RASSF4: variants seen among roughly 807,000 people sequenced by gnomAD.
RASSF4 encodes the protein ras association domain-containing protein 4.
A neutral mutation model predicts 41.1 loss-of-function variants in RASSF4; 38 were observed. The ratio of observed to expected loss-of-function variants is 0.92; its 90% CI spans 0.71 to 1.21. The LOEUF (loss-of-function observed/expected upper bound fraction) is 1.21, where lower values mean the gene tolerates loss of function less well. RASSF4 is among the 50% of genes most tolerant of loss of function. The pLI, the probability that RASSF4 is intolerant of heterozygous loss-of-function variation, is 0.00. For synonymous variants in RASSF4, 179 were observed against 163.4 expected (o/e 1.10, Z -0.73); for missense variants, 414 against 419.4 (o/e 0.99, Z 0.11).
chr10:44,980,797 C>G (rs377081645), intron 3 of RASSF4: 1 of 152,338 alleles, frequency 6.6e-6, no homozygotes, highest in Non-Finnish European at 1.5e-5. Context: ...CCCACAAGCT[C>G]TCTCCACTGA....
In RASSF4 at chr10:44,989,330, C is replaced by G; in HGVS notation, c.588C>G (p.Thr196=). The change falls in exon 7 of 11, where the codon ACC becomes ACG. Residue 196 remains threonine (T), a synonymous_variant. Transcript: ENST00000340258. ...TGACCAATGTGAGGGTCAACAGCACCATGACAACCCTGCAGGTGCTCACCC... is the reference window on the plus strand; with the variant it reads ...TGACCAATGTGAGGGTCAACAGCACGATGACAACCCTGCAGGTGCTCACCC... ...GSVTNVRVNS[T]MTTLQVLTLL... is the part of the protein sequence containing the mutation. 1.2e-6 allele frequency: 2 copies of G among 1,614,018 alleles called. No homozygotes were observed. The highest frequency in any genetic ancestry group is 1.7e-6 in the Non-Finnish European group (2 of 1,179,864).
At position 44,984,856 on chromosome 10, in the gene RASSF4, C is replaced by G. The variant is rs1282813107; in HGVS notation, c.417C>G (p.Thr139=). ...EAEEAPQLMR[T]KSDASCMSQR... ...AGGAGGCCCCCCAGCTGATGCGGAC[C>G]AAGAGCGACGCCAGTTGCATGAGCC... Residue 139 remains threonine (T), a synonymous_variant, in exon 6 of 11, where the codon ACC becomes ACG. Coordinates refer to ENST00000340258, the MANE Select transcript of RASSF4 (RefSeq NM_032023.4). 1.2e-6 allele frequency: 2 copies of G among 1,613,550 alleles called. No individual in the cohort carries two copies. The highest frequency in any genetic ancestry group is 2.7e-5 in the African/African-American group (2 of 74,920).
intron 3 of RASSF4, chr10:44,977,359 A>G: frequency 6.6e-7 from 1 of 1,526,202 alleles, no homozygotes; most frequent in African/African-American, 1.4e-5. Context: ...CAGACCCAGC[A>G]TGCTCTCTAC....
At chr10:44,986,744 GA>G (rs1841934312) in intron 6 of RASSF4, among the ~76,000 whole-genome samples, 2 of 152,120 alleles carry the variant, frequency 1.3e-5, no homozygotes, top group Admixed American at 6.5e-5. Context: ...GGCAACAATT[GA>G]AAAAATAAAT....
At chr10:44,983,262 C>A (rs1841789773) in intron 4 of RASSF4, 3 of 270,018 alleles carry the variant, frequency 1.1e-5, no homozygotes, top group African/African-American at 6.8e-5. Context: ...ACATTCAGAG[C>A]TTTGCCCCCT....
At chr10:44,965,730 T>G (rs1840877991) in intron 1 of RASSF4, among the ~76,000 whole-genome samples, 1 of 152,170 alleles carries the variant, frequency 6.6e-6, no homozygotes, top group South Asian at 2.1e-4. Context: ...TGCCCTCCCC[T>G]GGGATGGTGT....
chr10:44,984,441 C>T (rs1012277172), intron 5 of RASSF4: 4 of 489,838 alleles, frequency 8.2e-6, no homozygotes, highest in Non-Finnish European at 1.5e-5. Flanking sequence ...TCTGCGACCT[C>T]GTCCTCACCC....
intron 6 of RASSF4, among the ~76,000 whole-genome samples, chr10:44,988,557 A>G (rs1841998021): frequency 1.3e-5 from 2 of 152,164 alleles, no homozygotes; most frequent in South Asian, 4.1e-4. Flanking sequence ...GAGAAGAACT[A>G]CAGATGTTAT....
rs919253455 is a variant in RASSF4 at position 44,982,828 on chromosome 10, C to T, written c.281+165C>T. ...TGACTGCCTCAGTCCACAGCCTCGC[C>T]CAGGGTGGCCTCTCCCTCCTTCCTG... On this transcript the variant is annotated intron_variant, in intron 4 of 10. Coordinates refer to ENST00000340258, the MANE Select transcript of RASSF4 (RefSeq NM_032023.4). 5.2e-6 allele frequency: 4 copies of T among 774,440 alleles called. No individual in the cohort carries two copies. The African/African-American group carries it at 7.0e-5, about 14-fold the overall frequency. 48.0% of individuals were successfully genotyped at this position (774,440 alleles called of 1,614,324 possible).
intron 2 of RASSF4, 104 bp downstream of exon 2, chr10:44,970,368 T>C: frequency 1.1e-6 from 1 of 908,800 alleles, no homozygotes; most frequent in Non-Finnish European, 1.8e-6. Context: ...TGTTCAGAGA[T>C]CTGATGGGGT....
At chr10:44,965,769 C>G (rs1368676585) in intron 1 of RASSF4, among the ~76,000 whole-genome samples, 2 of 152,210 alleles carry the variant, frequency 1.3e-5, no homozygotes, top group South Asian at 2.1e-4. Context: ...GCTGTTTACC[C>G]TACAAGCCCA....
chr10:44,979,572 G>A (rs957550134), intron 3 of RASSF4, among the ~76,000 whole-genome samples: 28 of 152,134 alleles, frequency 1.8e-4, no homozygotes, highest in African/African-American at 4.8e-4. Context: ...CAGTGGTCAG[G>A]GGTGTCTTCC....
At chr10:44,971,230 C>T (rs1841143527) in intron 2 of RASSF4, 1 of 333,500 alleles carries the variant, frequency 3.0e-6, no homozygotes, top group Non-Finnish European at 5.9e-6. Flanking sequence ...AGGGAGACAG[C>T]GTTGAGGGAA....
In RASSF4 at chr10:44,984,793, C is replaced by G. The variant is rs1424298886; in HGVS notation, c.374-20C>G. On this transcript the variant is annotated intron_variant, in intron 5 of 10. Coordinates refer to ENST00000340258, the MANE Select transcript of RASSF4 (RefSeq NM_032023.4). The stretch of plus-strand genomic sequence containing the variant: ...TCAGCATCACCCACCCTGCCATTCT[C>G]TCACCCATTTCTCATGCAGGGCCCC... 1.3e-5 allele frequency: 21 copies of G among 1,612,262 alleles called. No individual in the cohort carries two copies. The highest frequency in any genetic ancestry group is 1.8e-5 in the Non-Finnish European group (21 of 1,179,238).
chr10:44,987,181 T>G (rs1841949839), intron 6 of RASSF4, among the ~76,000 whole-genome samples: 1 of 152,222 alleles, frequency 6.6e-6, no homozygotes, highest in African/African-American at 2.4e-5. Flanking sequence ...CTGGGCTCAC[T>G]GCAACCTCCA....
chr10:44,995,786 G>C lies in RASSF4; in HGVS notation c.*2457G>C, dbSNP rs1842254216. On this transcript the variant is annotated 3_prime_UTR_variant, in exon 11 of 11. Coordinates refer to ENST00000340258, the MANE Select transcript of RASSF4 (RefSeq NM_032023.4). ...TCTCTGTGGTTTCCTACTGGTTCCT[G>C]TGGGGAGCTCCCGCTTTCTTTCTAC... The C allele has an allele frequency of 6.6e-6, 1 of 152,120 alleles. No homozygotes were observed. The highest frequency in any genetic ancestry group is 2.4e-5 in the African/African-American group (1 of 41,422). The allele number at this position is 152,120 out of a possible 1,614,324, so 9.4% of individuals were successfully genotyped here. A position where few individuals can be genotyped will look rare whatever the true frequency, so the allele number is the denominator to read the frequency against.
rs1588811417 is a variant in RASSF4, at chr10:44,975,114, C to T, written c.138+3266C>T. 3.3e-5 allele frequency among the ~76,000 whole-genome samples: 5 copies of T among 152,130 alleles called. No homozygotes were observed. In the South Asian group the frequency reaches 1.0e-3, roughly 32 times the overall value. ...GGGGCGCGGCGCCGAGGCTCCGGGGCGCCCCCTGGTGACCGCGGGCGCGCT... is the reference window on the plus strand; with the variant it reads ...GGGGCGCGGCGCCGAGGCTCCGGGGTGCCCCCTGGTGACCGCGGGCGCGCT... On this transcript the variant is annotated intron_variant, in intron 3 of 10. Coordinates refer to ENST00000340258, the MANE Select transcript of RASSF4 (RefSeq NM_032023.4).
chr10:44,973,214 GC>G (rs989341661), intron 3 of RASSF4, among the ~76,000 whole-genome samples: 1 of 152,178 alleles, frequency 6.6e-6, no homozygotes, highest in Non-Finnish European at 1.5e-5. Flanking sequence ...CACCCTGCCT[GC>G]CCCCATCCTG....
intron 6 of RASSF4, 37 bp downstream of exon 6, chr10:44,985,007 G>A: frequency 6.3e-7 from 1 of 1,592,514 alleles, no homozygotes; most frequent in South Asian, 1.1e-5. Context: ...TGGGCGCATG[G>A]GGAGCCAGGC....
Sources: allele counts gnomAD v4.1 joint callset (sites outside exome capture counted in the v4.1 genomes callset), GRCh38; gene constraint gnomAD v4.1.1; transcripts MANE v1.5; gene names NCBI Gene and HGNC (gene_info 2026-07-23, HGNC 2026-07-21).